Variants in ANKRD30B observed in about 807,000 individuals in gnomAD.
ANKRD30B encodes ankyrin repeat domain 30B, also known as ankyrin repeat domain-containing protein 30B.
Under a neutral mutation model 202.2 loss-of-function variants are expected in ANKRD30B, and 144 were observed. That is an observed-to-expected ratio of 0.71 (90% confidence interval 0.62 to 0.82). ANKRD30B has a LOEUF of 0.82. ANKRD30B is among the 40% of genes least tolerant of loss of function. ANKRD30B has a pLI of 0.00. For missense variants in ANKRD30B, 1,487 were observed against 1,669.1 expected (o/e 0.89, Z 1.90); for synonymous variants, 508 against 561.3 (o/e 0.91, Z 1.34).
Position 14,764,008 on chromosome 18 carries a change from T to A in ANKRD30B, c.1143T>A (p.Asn381Lys). The change falls in exon 7 of 44, where the codon AAT becomes AAA. Residue 381 changes from asparagine (N) to lysine (K), a missense_variant. Around this residue, in one of 6 missense-constraint regions of ANKRD30B, gnomAD observed 889 missense variants for 841.4 expected, o/e 1.06. Coordinates refer to ENST00000690538, the MANE Select transcript of ANKRD30B (RefSeq NM_001367607.2). ...KTECVAGVTP[N>K]KTEVLEKGTS... ...AATGCGTGGCAGGAGTAACACCTAA[T>A]AAAACTGAAGTTTTGGAAAAAGGAA... The A allele has an allele frequency of 4.5e-6, 7 of 1,571,562 alleles. No homozygotes were observed. Among genetic ancestry groups the A allele is most frequent in the Non-Finnish European group, 6.0e-6 (7 of 1,165,120 alleles).
chr18:14,770,389 G>A (rs1966915576), intron 8 of ANKRD30B, among the ~76,000 whole-genome samples: 1 of 152,096 alleles, frequency 6.6e-6, no homozygotes, highest in Non-Finnish European at 1.5e-5. Flanking sequence ...AATATAGGAG[G>A]TAGGAGAAGT....
chr18:14,807,088 G>T (rs181382363), intron 24 of ANKRD30B, among the ~76,000 whole-genome samples: 4 of 151,050 alleles, frequency 2.6e-5, no homozygotes, highest in Middle Eastern at 3.4e-3. Context: ...CATAAATTTT[G>T]TGTGTTTTAG....
chr18:14,856,370 C>T (rs1247739506), downstream of ANKRD30B, among the ~76,000 whole-genome samples: 6 of 137,718 alleles, frequency 4.4e-5, 1 homozygote, highest in Non-Finnish European at 8.2e-5. Context: ...AGGCGCTCCT[C>T]ACCTCCCAGA....
rs543600179 is a variant in ANKRD30B at position 14,848,674 on chromosome 18, A to C, written c.3182-42A>C. The C allele has an allele frequency of 2.3e-5, 32 of 1,375,168 alleles. No homozygotes were observed. In the East Asian group the frequency reaches 8.0e-4, roughly 34 times the overall value. 85.2% of individuals were successfully genotyped at this position (1,375,168 alleles called of 1,614,324 possible). The stretch of plus-strand genomic sequence containing the variant: ...AAAATATGCAGCCCTTTATATCCCA[A>C]AAGTACTAATATATTTTATTTCTAT... On this transcript the variant is annotated intron_variant, in intron 39 of 43. Coordinates refer to ENST00000690538, the MANE Select transcript of ANKRD30B (RefSeq NM_001367607.2).
chr18:14,939,427 T>C, the ANKRD30B span, among the ~76,000 whole-genome samples: 1 of 152,174 alleles, frequency 6.6e-6, no homozygotes, highest in Admixed American at 6.5e-5. Context: ...GGGATCCCTA[T>C]GTATGACATT....
chr18:14,794,650 T>C (rs867074602), intron 16 of ANKRD30B, among the ~76,000 whole-genome samples: 54 of 152,210 alleles, frequency 3.5e-4, no homozygotes, highest in Admixed American at 7.9e-4. Context: ...AAAGCGGGTT[T>C]TTATTTAAAG....
intron 28 of ANKRD30B, 33 bp downstream of exon 28, chr18:14,810,213 T>G: frequency 8.1e-7 from 1 of 1,232,814 alleles, no homozygotes. Context: ...TACTCTGGAA[T>G]TAAGAATATT....
chr18:14,793,605 AGATTTCAGGCCAGGCGTGGT>A (rs1438156549), intron 16 of ANKRD30B, among the ~76,000 whole-genome samples: 1 of 152,044 alleles, frequency 6.6e-6, no homozygotes, highest in Non-Finnish European at 1.5e-5. Context: ...ATTTATTTAA[AGATTTCAGGCCAGGCGTGGT>A]GACTCACGCC....
chr18:14,761,200 G>T lies in ANKRD30B; in HGVS notation c.820+582G>T, dbSNP rs114602006. Among the ~76,000 whole-genome samples, 551 of 152,192 alleles carry T rather than the reference G, an allele frequency of 3.6e-3. 7 individuals carry two copies. Among genetic ancestry groups the T allele is most frequent in the African/African-American group, 0.012 (505 of 41,524 alleles). On this transcript the variant is annotated intron_variant, in intron 6 of 43. Coordinates refer to ENST00000690538, the MANE Select transcript of ANKRD30B (RefSeq NM_001367607.2). ...CATTTGAATATTATAACCTGCGGGG[G>T]TCTATCCTGCAGATCCCGGCTGCAT... is the stretch of plus-strand genomic sequence containing the variant.
chr18:14,851,986 C>T lies in ANKRD30B; in HGVS notation c.4042C>T (p.Leu1348Phe), dbSNP rs779877180. 9.4e-6 allele frequency: 15 copies of T among 1,597,612 alleles called. No homozygotes were observed. In the African/African-American group the frequency reaches 1.1e-4, roughly 11 times the overall value. Residue 1348 changes from leucine (L) to phenylalanine (F), a missense_variant, in exon 42 of 44, where the codon CTC becomes TTC. By Grantham distance (22) the Leu-to-Phe change is conservative (BLOSUM62 0). Transcript: ENST00000690538. ...TAATACAATATATAACAATGAGGTGCTCCATCAACCACTTTATGAAGCTCA... is the reference window on the plus strand; with the variant it reads ...TAATACAATATATAACAATGAGGTGTTCCATCAACCACTTTATGAAGCTCA... ...VSNTIYNNEV[L>F]HQPLYEAQRK...
chr18:14,858,836 C>T (rs752963739), downstream of ANKRD30B, among the ~76,000 whole-genome samples: 2,221 of 96,718 alleles, frequency 0.023, 1 homozygote, highest in Non-Finnish European at 0.037. Flanking sequence ...ATTTCCCAGA[C>T]GGGGTGGCCA....
At chr18:14,868,137 G>A in the ANKRD30B span, among the ~76,000 whole-genome samples, 1 of 152,298 alleles carries the variant, frequency 6.6e-6, no homozygotes, top group African/African-American at 2.4e-5. Context: ...GGTGACAGCA[G>A]CGCTGGTTCC....
chr18:14,855,514 T>A (rs1240237613), downstream of ANKRD30B, among the ~76,000 whole-genome samples: 1 of 146,648 alleles, frequency 6.8e-6, no homozygotes, highest in African/African-American at 2.6e-5. Context: ...ACTTCCCAGA[T>A]GGGGCGGCTG....
chr18:14,843,569 G>A (rs1276599838), intron 39 of ANKRD30B, among the ~76,000 whole-genome samples: 1 of 151,044 alleles, frequency 6.6e-6, no homozygotes, highest in African/African-American at 2.4e-5. Flanking sequence ...GTGTGTGTGT[G>A]TGTGTGTGTG....
the ANKRD30B span, among the ~76,000 whole-genome samples, chr18:14,866,171 A>T: frequency 6.6e-6 from 1 of 152,276 alleles, no homozygotes; most frequent in Non-Finnish European, 1.5e-5. Context: ...AGGAGGCCTC[A>T]TGCCAGTTTA....
the ANKRD30B span, among the ~76,000 whole-genome samples, chr18:14,912,117 T>C: frequency 4.6e-5 from 7 of 152,158 alleles, no homozygotes; most frequent in Admixed American, 4.6e-4. Context: ...TTTGATTTAT[T>C]TTGTCTTATT....
At chr18:14,805,678 A>G (rs912372486) in intron 24 of ANKRD30B, among the ~76,000 whole-genome samples, 1 of 150,976 alleles carries the variant, frequency 6.6e-6, no homozygotes, top group Non-Finnish European at 1.5e-5. Context: ...TTGTAATGAT[A>G]TAAATTATTA....
the ANKRD30B span, among the ~76,000 whole-genome samples, chr18:14,905,225 G>T: frequency 1.3e-5 from 2 of 152,186 alleles, no homozygotes; most frequent in Non-Finnish European, 2.9e-5. Flanking sequence ...CCTTGAAGCT[G>T]CCCTGCCTAT....
chr18:14,752,374 C>T (rs1330371992), intron 1 of ANKRD30B, among the ~76,000 whole-genome samples, 192 bp from the exon 2 acceptor site: 2 of 152,130 alleles, frequency 1.3e-5, no homozygotes, highest in Non-Finnish European at 2.9e-5. Context: ...TCTTTGTATT[C>T]AAACAGGCCA....
Sources: allele counts gnomAD v4.1 joint callset (sites outside exome capture counted in the v4.1 genomes callset), GRCh38; gene constraint gnomAD v4.1.1; regional missense constraint gnomAD v4.1.1; transcripts MANE v1.5; gene names NCBI Gene and HGNC (gene_info 2026-07-23, HGNC 2026-07-21).